CUL1: variants seen among roughly 807,000 people sequenced by gnomAD.
CUL1 encodes cullin-1.
Under a neutral mutation model 118.0 loss-of-function variants are expected in CUL1, and 24 were observed. That is an observed-to-expected ratio of 0.20 (90% CI 0.15 to 0.29). The LOEUF is 0.29. Among genes scored for constraint, CUL1 ranks in the 10% least tolerant of loss-of-function variants. The probability of loss-of-function intolerance (pLI) is 1.00; values close to 1 mark genes in which losing one functional copy is unlikely to be tolerated. For missense variants in CUL1, 361 were observed against 933.8 expected (o/e 0.39, Z 7.99); for synonymous variants, 332 against 340.4 (o/e 0.98, Z 0.27).
At chr7:148,767,511 A>T in intron 8 of CUL1, 108 bp from the exon 9 acceptor site, 1 of 968,854 alleles carries the variant, frequency 1.0e-6, no homozygotes, top group Non-Finnish European at 1.6e-6. Flanking sequence ...GTCTAAAAAC[A>T]TGGTTATCTT....
chr7:148,788,798 G>C, intron 14 of CUL1, 124 bp downstream of exon 14: 1 of 703,906 alleles, frequency 1.4e-6, no homozygotes, highest in Non-Finnish European at 2.4e-6. Flanking sequence ...CTAAGAAGCG[G>C]GAGATTCCTC....
At chr7:148,764,523 C>T (rs2129460653) in intron 7 of CUL1, among the ~76,000 whole-genome samples, 1 of 152,328 alleles carries the variant, frequency 6.6e-6, no homozygotes, top group South Asian at 2.1e-4. Context: ...CCGTGCCTCT[C>T]AGAGGATGAA....
rs921570904 is a variant in CUL1 at position 148,766,178 on chromosome 7, T to C, written c.790-383T>C. 1.5e-4 allele frequency among the ~76,000 whole-genome samples: 22 copies of C among 151,430 alleles called. 1 individual carries two copies. The highest frequency in any genetic ancestry group is 2.9e-5 in the Non-Finnish European group (2 of 67,922). On this transcript the variant is annotated intron_variant, in intron 7 of 21. Transcript: ENST00000325222. Reference sequence around the variant, plus strand: ...CGGAGTCTTGCTCTGTTGCCCAGGCTGAAATGCAGTGGCACAATCATAGCT... The same window carrying C: ...CGGAGTCTTGCTCTGTTGCCCAGGCCGAAATGCAGTGGCACAATCATAGCT...
chr7:148,749,435 A>G (rs1439930954), intron 2 of CUL1, among the ~76,000 whole-genome samples: 1 of 149,026 alleles, frequency 6.7e-6, no homozygotes, highest in Non-Finnish European at 1.5e-5. Flanking sequence ...AAAAAAAAAA[A>G]GTAAAAAGGT....
intron 17 of CUL1, 138 bp from the exon 18 acceptor site, chr7:148,797,674 T>A: frequency 1.5e-6 from 1 of 659,434 alleles, no homozygotes; most frequent in South Asian, 2.1e-5. Context: ...AACTTTTTTT[T>A]CCTTCCAGCA....
intron 9 of CUL1, among the ~76,000 whole-genome samples, chr7:148,768,709 T>A (rs1800097271): frequency 6.6e-6 from 1 of 152,118 alleles, no homozygotes; most frequent in Admixed American, 6.5e-5. Context: ...CTAAAACACA[T>A]TGGTTCTTAC....
chr7:148,746,886 C>A (rs186811621), intron 2 of CUL1, among the ~76,000 whole-genome samples: 10 of 152,278 alleles, frequency 6.6e-5, no homozygotes, highest in Admixed American at 3.9e-4. Context: ...CCATCTATTC[C>A]ATGACATTGT....
intron 2 of CUL1, among the ~76,000 whole-genome samples, chr7:148,750,987 A>T (rs1799471231): frequency 2.5e-5 from 2 of 78,778 alleles, no homozygotes; most frequent in South Asian, 7.1e-4. Context: ...GTCTCTTTAA[A>T]AAAAAAAAAA....
chr7:148,765,564 G>A (rs1477170801), intron 7 of CUL1, among the ~76,000 whole-genome samples: 1 of 152,204 alleles, frequency 6.6e-6, no homozygotes, highest in East Asian at 1.9e-4. Context: ...CCAGGAGTTT[G>A]AGGCTGCAGT....
At position 148,733,993 on chromosome 7, in the gene CUL1, A is replaced by G. The variant is rs376550312; in HGVS notation, c.140+3731A>G. On this transcript the variant is annotated intron_variant, in intron 2 of 21. Coordinates refer to ENST00000325222, the MANE Select transcript of CUL1 (RefSeq NM_003592.3). ...CATAAATATTTATCTTGACTTTTCAACTCAAAATGGTGAAAGAAGGGAATT... is the reference window on the plus strand; with the variant it reads ...CATAAATATTTATCTTGACTTTTCAGCTCAAAATGGTGAAAGAAGGGAATT... Among the ~76,000 whole-genome samples the G allele has an allele frequency of 5.9e-5, 9 of 151,984 alleles. No homozygotes were observed. The East Asian group carries it at 9.6e-4, about 16-fold the overall frequency.
At chr7:148,758,181 T>C (rs972354740) in intron 4 of CUL1, among the ~76,000 whole-genome samples, 1 of 152,200 alleles carries the variant, frequency 6.6e-6, no homozygotes, top group African/African-American at 2.4e-5. Flanking sequence ...TGAGAACCAG[T>C]GTTCTAGAGC....
chr7:148,796,608 T>A (rs1410390922), intron 17 of CUL1, among the ~76,000 whole-genome samples: 19 of 152,092 alleles, frequency 1.2e-4, no homozygotes, highest in Admixed American at 1.2e-3. Context: ...CCCTAGACTG[T>A]GGGGAGGGCT....
At chr7:148,713,557 A>T (rs1420920744) in intron 1 of CUL1, among the ~76,000 whole-genome samples, 1 of 152,114 alleles carries the variant, frequency 6.6e-6, no homozygotes, top group Non-Finnish European at 1.5e-5. Flanking sequence ...TTCCTCTATT[A>T]CTTATTCAAG....
At chr7:148,763,364 C>A (rs561294258) in intron 7 of CUL1, among the ~76,000 whole-genome samples, 38 of 152,120 alleles carry the variant, frequency 2.5e-4, no homozygotes, top group Non-Finnish European at 5.4e-4. Context: ...ACACGACTTC[C>A]ATCATATTCT....
chr7:148,764,886 G>A (rs774370549), intron 7 of CUL1, among the ~76,000 whole-genome samples: 3 of 152,148 alleles, frequency 2.0e-5, no homozygotes, highest in East Asian at 1.9e-4. Flanking sequence ...TAGGTTTTTC[G>A]TAACTTGTTC....
At chr7:148,729,782 A>C (rs1172996579) in intron 1 of CUL1, among the ~76,000 whole-genome samples, 180 bp from the exon 2 acceptor site, 1 of 152,194 alleles carries the variant, frequency 6.6e-6, no homozygotes, top group Non-Finnish European at 1.5e-5. Flanking sequence ...AATGATTTTG[A>C]ACTAAAATTC....
chr7:148,742,280 A>G (rs1168111770), intron 2 of CUL1, among the ~76,000 whole-genome samples: 1 of 152,194 alleles, frequency 6.6e-6, no homozygotes, highest in Non-Finnish European at 1.5e-5. Context: ...TCAGAGTTCC[A>G]CGTGGCTGGG....
At position 148,790,551 on chromosome 7, in the gene CUL1, G is replaced by A. The variant is rs1243781861; in HGVS notation, c.1806+110G>A. ...AGCAGAATCTAGAATTCAGCTTCTGGTGAAATAGTGGCAGGTTTAAAGCAT... is the reference window on the plus strand; with the variant it reads ...AGCAGAATCTAGAATTCAGCTTCTGATGAAATAGTGGCAGGTTTAAAGCAT... On this transcript the variant is annotated intron_variant, in intron 16 of 21. Transcript: ENST00000325222. The A allele has an allele frequency of 3.3e-6, 3 of 910,924 alleles. No individual in the cohort carries two copies. In the African/African-American group the frequency reaches 5.0e-5, roughly 15 times the overall value. 56.4% of individuals were successfully genotyped at this position (910,924 alleles called of 1,614,324 possible).
rs73745352 is a variant in CUL1 at position 148,743,243 on chromosome 7, C to G, written c.141-10733C>G. 6.7e-3 allele frequency among the ~76,000 whole-genome samples: 1,023 copies of G among 152,258 alleles called. 8 individuals are homozygous for G. Among genetic ancestry groups the G allele is most frequent in the African/African-American group, 0.024 (983 of 41,552 alleles). On this transcript the variant is annotated intron_variant, in intron 2 of 21. Coordinates refer to ENST00000325222, the MANE Select transcript of CUL1 (RefSeq NM_003592.3). ...CTTGAAAAGAATGTGGGTTCTGCAG[C>G]TGTTGGCTGTAGATGGTGATGTGCT...
Sources: allele counts gnomAD v4.1 joint callset (sites outside exome capture counted in the v4.1 genomes callset), GRCh38; gene constraint gnomAD v4.1.1; transcripts MANE v1.5; gene names NCBI Gene and HGNC (gene_info 2026-07-23, HGNC 2026-07-21).